The following EVC2 variants were observed in gnomAD, a reference collection of about 807,000 sequenced individuals.
EVC2 encodes EvC ciliary complex subunit 2.
A neutral mutation model predicts 149.3 loss-of-function variants in EVC2; 148 were observed. The observed-to-expected ratio is 0.99, with a 90% CI of 0.87 to 1.14. EVC2 has a LOEUF of 1.14. EVC2 is among the 50% of genes most tolerant of loss of function. The pLI, the probability that EVC2 is intolerant of heterozygous loss-of-function variation, is 0.00. For synonymous variants in EVC2, 776 were observed against 649.9 expected (o/e 1.19, Z -2.95); for missense variants, 1,854 against 1,627.3 (o/e 1.14, Z -2.40).
At chr4:5,565,414 T>A in intron 20 of EVC2, 55 bp from the exon 21 acceptor site, 2 of 1,545,580 alleles carry the variant, frequency 1.3e-6, no homozygotes, top group Non-Finnish European at 1.8e-6. Context: ...AATCCCACTG[T>A]AATCCCAGCA....
At chr4:5,548,386 G>A (rs564383525) in intron 21 of EVC2, among the ~76,000 whole-genome samples, 8 of 150,170 alleles carry the variant, frequency 5.3e-5, no homozygotes, top group African/African-American at 1.7e-4. Context: ...CTTGAGGGTG[G>A]AAGCCATGCA....
intron 16 of EVC2, among the ~76,000 whole-genome samples, chr4:5,593,678 G>T (rs1713063949): frequency 6.6e-6 from 1 of 152,140 alleles, no homozygotes; most frequent in Admixed American, 6.5e-5. Flanking sequence ...TCCATCTGAG[G>T]TACCGGGATC....
chr4:5,632,458 T>C (rs1162381940), intron 10 of EVC2, among the ~76,000 whole-genome samples: 3 of 152,222 alleles, frequency 2.0e-5, no homozygotes, highest in African/African-American at 7.2e-5. Context: ...TCTAAATGTT[T>C]TCTAGAATAA....
chr4:5,539,407 G>T (rs1721473551), downstream of EVC2, among the ~76,000 whole-genome samples: 1 of 152,106 alleles, frequency 6.6e-6, no homozygotes, highest in Non-Finnish European at 1.5e-5. Context: ...ATCACAGCAG[G>T]ATATTTTGGT....
At position 5,657,697 on chromosome 4, in the gene EVC2, A is replaced by G. The variant is rs1243453003; in HGVS notation, c.1145+5410T>C. Among the ~76,000 whole-genome samples the G allele has an allele frequency of 6.6e-6, 1 of 151,552 alleles. No homozygotes were observed. On this transcript the variant is annotated intron_variant, in intron 9 of 21. Coordinates refer to ENST00000344408, the MANE Select transcript of EVC2 (RefSeq NM_147127.5). The surrounding 1 kb of genome is among the most constrained non-coding windows in gnomAD (Gnocchi z 4.7). ...GAAGGTCCCTGCACTCACATAACTT[A>G]CTGCTCAGGTGGGTAAGATGAAATA...
At chr4:5,619,966 T>A (rs1394332176) in intron 14 of EVC2, among the ~76,000 whole-genome samples, 1 of 152,212 alleles carries the variant, frequency 6.6e-6, no homozygotes, top group Non-Finnish European at 1.5e-5. Flanking sequence ...CCAACGTGGT[T>A]GGCCAGAGTC....
At chr4:5,600,662 G>A (rs1438187738) in intron 16 of EVC2, among the ~76,000 whole-genome samples, 1 of 152,208 alleles carries the variant, frequency 6.6e-6, no homozygotes, top group African/African-American at 2.4e-5. Context: ...CATGGAGTAA[G>A]CAAGAAGCAA....
intron 19 of EVC2, among the ~76,000 whole-genome samples, chr4:5,573,441 G>A (rs1722747556): frequency 6.6e-6 from 1 of 152,144 alleles, no homozygotes; most frequent in South Asian, 2.1e-4. Context: ...GAAGAAAGGA[G>A]GCCATGAGCC....
intron 1 of EVC2, chr4:5,707,986 T>G: frequency 7.7e-6 from 2 of 261,172 alleles, no homozygotes; most frequent in Admixed American, 5.5e-5. Context: ...ATCAGGAAAC[T>G]GGGGCACAGG....
chr4:5,708,226 G>A, intron 1 of EVC2, 60 bp downstream of exon 1: 6 of 1,374,034 alleles, frequency 4.4e-6, no homozygotes, highest in South Asian at 1.5e-5. Flanking sequence ...TGCCACCGCC[G>A]GTGTAGACAA....
At chr4:5,557,819 C>G (rs1186697825), downstream of EVC2, among the ~76,000 whole-genome samples, 1 of 151,970 alleles carries the variant, frequency 6.6e-6, no homozygotes, top group African/African-American at 2.4e-5. Context: ...TAAAATACCA[C>G]CAAATTAATA....
chr4:5,591,188 T>C (rs1488015345), intron 16 of EVC2, among the ~76,000 whole-genome samples: 1 of 152,194 alleles, frequency 6.6e-6, no homozygotes, highest in African/African-American at 2.4e-5. Context: ...CTATAGCTTA[T>C]TAAATATATA....
intron 20 of EVC2, among the ~76,000 whole-genome samples, chr4:5,565,761 C>T (rs1030061197): frequency 6.6e-6 from 1 of 152,160 alleles, no homozygotes; most frequent in Admixed American, 6.5e-5. Flanking sequence ...CTAGGAACCC[C>T]CATCCCCAGA....
At chr4:5,548,035 A>C (rs1475322228) in intron 21 of EVC2, among the ~76,000 whole-genome samples, 1 of 152,086 alleles carries the variant, frequency 6.6e-6, no homozygotes, top group Non-Finnish European at 1.5e-5. Context: ...CCACGCCGGC[A>C]CCTGGAGCTG....
intron 15 of EVC2, among the ~76,000 whole-genome samples, chr4:5,616,162 G>A (rs1277408973): frequency 1.3e-5 from 2 of 152,128 alleles, no homozygotes; most frequent in Non-Finnish European, 2.9e-5. Flanking sequence ...CATGGAAATG[G>A]GCAAATCCTA....
intron 16 of EVC2, among the ~76,000 whole-genome samples, chr4:5,602,699 G>C (rs1003602661): frequency 2.0e-5 from 3 of 152,168 alleles, no homozygotes; most frequent in African/African-American, 7.2e-5. Flanking sequence ...TATAATCATA[G>C]AAGCCATAAA....
chr4:5,543,549 A>G (rs1274266242), intron 21 of EVC2, among the ~76,000 whole-genome samples: 1 of 152,170 alleles, frequency 6.6e-6, no homozygotes. Flanking sequence ...TACATTACAA[A>G]TAAAAACCAG....
At position 5,622,838 on chromosome 4, in the gene EVC2, C is replaced by T. The variant is rs1715808033; in HGVS notation, c.2200G>A (p.Asp734Asn). 6 of 1,614,098 alleles carry T rather than the reference C, an allele frequency of 3.7e-6. No homozygotes were observed. The highest frequency in any genetic ancestry group is 5.1e-6 in the Non-Finnish European group (6 of 1,180,038). The change falls in exon 14 of 22, where the codon GAC becomes AAC. Residue 734 changes from aspartate (D) to asparagine (N), a missense_variant. By Grantham distance (23) the Asp-to-Asn change is conservative (BLOSUM62 1). Coordinates refer to ENST00000344408, the MANE Select transcript of EVC2 (RefSeq NM_147127.5). The surrounding 1 kb of genome is among the most constrained non-coding windows in gnomAD (Gnocchi z 5.8). ...GAAAGGGTCAGGGTCCTGAGATCGT[C>T]CAGGGCGGCCTGGTCCAGACGCTCC... Reference protein sequence around the residue: ...LQERLDQAALDDLRTLTLSLF... With the variant: ...LQERLDQAALNDLRTLTLSLF...
At chr4:5,533,047 G>A in the EVC2 span, among the ~76,000 whole-genome samples, 1 of 150,658 alleles carries the variant, frequency 6.6e-6, no homozygotes, top group Non-Finnish European at 1.5e-5. Context: ...ATGCTAGAAC[G>A]TATCACGGAC....
Sources: allele counts gnomAD v4.1 joint callset (sites outside exome capture counted in the v4.1 genomes callset), GRCh38; gene constraint gnomAD v4.1.1; non-coding constraint Gnocchi (gnomAD v3.1); transcripts MANE v1.5; gene names NCBI Gene and HGNC (gene_info 2026-07-23, HGNC 2026-07-21).